ZNF385C: variants seen among roughly 807,000 people sequenced by gnomAD.
ZNF385C encodes CTD-2132N18.2.
In ZNF385C, 28 loss-of-function variants were observed where a neutral mutation model predicts 35.4. The ratio of observed to expected loss-of-function variants is 0.79; its 90% CI spans 0.59 to 1.08. The LOEUF (loss-of-function observed/expected upper bound fraction) is 1.08, where lower values mean the gene tolerates loss of function less well. ZNF385C is among the 50% of genes least tolerant of loss of function. ZNF385C has a pLI of 0.00. For missense variants in ZNF385C, 605 were observed against 595.6 expected, an observed-to-expected ratio of 1.02 and a Z score of -0.16; for synonymous variants, 248 against 248.2, an observed-to-expected ratio of 1.00 and a Z score of 0.01.
intron 1 of ZNF385C, among the ~76,000 whole-genome samples, chr17:42,070,809 C>T (rs1231568095): frequency 6.6e-6 from 1 of 152,238 alleles, no homozygotes; most frequent in East Asian, 1.9e-4. Context: ...CTCATCTGTT[C>T]CTGTCCTAGC....
intron 1 of ZNF385C, among the ~76,000 whole-genome samples, chr17:42,088,020 C>A (rs2053826911): frequency 6.6e-6 from 1 of 152,188 alleles, no homozygotes; most frequent in South Asian, 2.1e-4. Context: ...ATAAAACTAA[C>A]TTTAATTCTT....
At chr17:42,058,804 C>T (rs1480152498) in intron 2 of ZNF385C, among the ~76,000 whole-genome samples, 4 of 152,196 alleles carry the variant, frequency 2.6e-5, no homozygotes, top group Non-Finnish European at 4.4e-5. Context: ...TACAGGTACC[C>T]CACAACCACA....
chr17:42,079,797 A>G (rs1262013563), intron 1 of ZNF385C, among the ~76,000 whole-genome samples: 1 of 152,156 alleles, frequency 6.6e-6, no homozygotes, highest in Non-Finnish European at 1.5e-5. Context: ...ACTTCCTCAC[A>G]GCCTTGCGTT....
intron 1 of ZNF385C, among the ~76,000 whole-genome samples, chr17:42,079,197 A>T (rs1348213376): frequency 3.7e-4 from 50 of 135,230 alleles, no homozygotes; most frequent in Non-Finnish European, 7.0e-4. Context: ...CAAAAAAAAA[A>T]AAAAAAATAT....
chr17:42,068,463 A>G (rs2053579051), intron 1 of ZNF385C, among the ~76,000 whole-genome samples: 1 of 152,138 alleles, frequency 6.6e-6, no homozygotes, highest in Admixed American at 6.6e-5. Flanking sequence ...TGAAATAACA[A>G]CCCCATTTAT....
intron 2 of ZNF385C, 25 bp from the exon 3 acceptor site, chr17:42,037,910 C>A: frequency 1.3e-6 from 2 of 1,540,804 alleles, no homozygotes; most frequent in Non-Finnish European, 8.8e-7. Flanking sequence ...AGGGCAGGGT[C>A]TGAAATGGGC....
intron 4 of ZNF385C, among the ~76,000 whole-genome samples, chr17:42,032,480 G>A (rs535335217): frequency 6.6e-6 from 1 of 152,308 alleles, no homozygotes; most frequent in East Asian, 1.9e-4. Flanking sequence ...TGAATTACAA[G>A]GGCCGAGTAC....
At chr17:42,045,075 G>A (rs372999229) in intron 2 of ZNF385C, among the ~76,000 whole-genome samples, 225 of 152,270 alleles carry the variant, frequency 1.5e-3, no homozygotes, top group African/African-American at 5.1e-3. Flanking sequence ...CCGCCATCAC[G>A]CCCGGCTAAT....
chr17:42,092,502 G>A (rs781933769), intron 1 of ZNF385C, among the ~76,000 whole-genome samples: 1 of 152,208 alleles, frequency 6.6e-6, no homozygotes, highest in Non-Finnish European at 1.5e-5. Flanking sequence ...GGGATAGGAG[G>A]CCCTTTGGGG....
At chr17:42,052,650 C>A (rs972017985) in intron 2 of ZNF385C, among the ~76,000 whole-genome samples, 1 of 152,124 alleles carries the variant, frequency 6.6e-6, no homozygotes, top group Non-Finnish European at 1.5e-5. Context: ...TGCACATGAA[C>A]GTACAGACTC....
At chr17:42,078,518 G>A (rs2053709850) in intron 1 of ZNF385C, among the ~76,000 whole-genome samples, 1 of 151,984 alleles carries the variant, frequency 6.6e-6, no homozygotes, top group Admixed American at 6.5e-5. Context: ...CTCATGTGAG[G>A]TTGGTAATGG....
At chr17:42,059,621 G>GTTGTTTGT (rs35409215) in intron 2 of ZNF385C, among the ~76,000 whole-genome samples, 20 of 151,320 alleles carry the variant, frequency 1.3e-4, no homozygotes, top group Middle Eastern at 3.4e-3. Flanking sequence ...TTTTGTTGTT[G>GTTGTTTGT]TTGTTTGTTT....
chr17:42,035,567 T>A (rs1422530267), intron 3 of ZNF385C, among the ~76,000 whole-genome samples: 7 of 144,208 alleles, frequency 4.9e-5, no homozygotes, highest in East Asian at 2.0e-4. Flanking sequence ...TTTTTTTTTT[T>A]ATAAGATGGA....
At position 42,027,695 on chromosome 17, in the gene ZNF385C, C is replaced by T; in HGVS notation, c.1198G>A (p.Ala400Thr). Reference protein sequence around the residue: ...MSSRRHKDRLAGKTPKPSSQH... With the variant: ...MSSRRHKDRLTGKTPKPSSQH... ...CTGGAGGGCTTGGGGGTCTTCCCGGCCAGGCGGTCTTTGTGCCTCCTGCTG... is the reference window on the plus strand; with the variant it reads ...CTGGAGGGCTTGGGGGTCTTCCCGGTCAGGCGGTCTTTGTGCCTCCTGCTG... The change falls in exon 8 of 9, where the codon GCC becomes ACC. Residue 400 changes from alanine (A) to threonine (T), a missense_variant. Transcript: ENST00000692273. The T allele has an allele frequency of 6.2e-7, 1 of 1,612,870 alleles. No homozygotes were observed. The highest frequency in any genetic ancestry group is 1.7e-5 in the Admixed American group (1 of 59,594).
intron 1 of ZNF385C, among the ~76,000 whole-genome samples, chr17:42,082,032 C>T (rs2053754717): frequency 6.6e-6 from 1 of 152,166 alleles, no homozygotes; most frequent in Non-Finnish European, 1.5e-5. Context: ...TGTCCCACTG[C>T]CTTGCCCCCA....
chr17:42,070,821 G>A (rs2143894804), intron 1 of ZNF385C, among the ~76,000 whole-genome samples: 1 of 152,348 alleles, frequency 6.6e-6, no homozygotes. Context: ...TGTCCTAGCA[G>A]AGTGCAAGCC....
At chr17:42,070,073 G>A (rs563837015) in intron 1 of ZNF385C, among the ~76,000 whole-genome samples, 18 of 152,026 alleles carry the variant, frequency 1.2e-4, no homozygotes, top group Middle Eastern at 3.4e-3. Context: ...AGCAGGGCGC[G>A]GTGGCTCACG....
At chr17:42,058,616 C>T (rs1555657759) in intron 2 of ZNF385C, among the ~76,000 whole-genome samples, 1 of 152,226 alleles carries the variant, frequency 6.6e-6, no homozygotes. Context: ...CAACGTGCTC[C>T]CCCTCGCCCT....
chr17:42,088,613 AAAG>A (rs1473216517), intron 1 of ZNF385C, among the ~76,000 whole-genome samples: 3 of 152,232 alleles, frequency 2.0e-5, no homozygotes, highest in Non-Finnish European at 2.9e-5. Flanking sequence ...CCCTCAGTGC[AAAG>A]AAGGAGAAAC....
Sources: allele counts gnomAD v4.1 joint callset (sites outside exome capture counted in the v4.1 genomes callset), GRCh38; gene constraint gnomAD v4.1.1; transcripts MANE v1.5; gene names NCBI Gene and HGNC (gene_info 2026-07-23, HGNC 2026-07-21).